MYO18B: variants seen among roughly 807,000 people sequenced by gnomAD.
MYO18B encodes the protein unconventional myosin-XVIIIb.
In MYO18B, 204 loss-of-function variants were observed where a neutral mutation model predicts 273.0. The ratio of observed to expected loss-of-function variants is 0.75; its 90% CI spans 0.67 to 0.84. The LOEUF (loss-of-function observed/expected upper bound fraction) is 0.84. MYO18B is among the 40% of genes least tolerant of loss of function. MYO18B has a pLI of 0.00. For synonymous variants in MYO18B, 1,330 were observed against 1,305.7 expected (o/e 1.02, Z -0.40); for missense variants, 3,212 against 3,287.6 (o/e 0.98, Z 0.56).
At chr22:26,017,044 C>A (rs1449615242) in intron 42 of MYO18B, among the ~76,000 whole-genome samples, 1 of 146,158 alleles carries the variant, frequency 6.8e-6, no homozygotes, top group South Asian at 2.3e-4. Context: ...TTCCTTCCTT[C>A]CTTCCTTCCT....
chr22:25,948,551 T>TTCCTTCCTTCCTTCCTTC (rs1569225860), intron 36 of MYO18B, among the ~76,000 whole-genome samples: 1 of 18,220 alleles, frequency 5.5e-5, no homozygotes, highest in African/African-American at 1.6e-4. Flanking sequence ...TTCCTTCCTT[T>TTCCTTCCTTCCTTCCTTC]CTCTTTCTCT....
intron 34 of MYO18B, among the ~76,000 whole-genome samples, chr22:25,939,885 C>A (rs1018647699): frequency 1.3e-5 from 2 of 152,178 alleles, no homozygotes; most frequent in East Asian, 3.9e-4. Flanking sequence ...CCTCTCTATT[C>A]CTCAGTTTCC....
rs543810708 is a variant in MYO18B, at chr22:25,933,451, C to T, written c.5517+12042C>T. On this transcript the variant is annotated intron_variant, in intron 34 of 43. Transcript: ENST00000335473. ...TGCCAGTGTGAGAACCTGTCCCCTT[C>T]CACACAGGCCTTTTGTCTTCTGTCT... Among the ~76,000 whole-genome samples, 17 of 151,888 alleles carry T rather than the reference C, an allele frequency of 1.1e-4. No homozygotes were observed. The East Asian group carries it at 3.3e-3, about 29-fold the overall frequency.
intron 33 of MYO18B, among the ~76,000 whole-genome samples, chr22:25,916,030 A>G (rs2092256024): frequency 6.6e-6 from 1 of 152,178 alleles, no homozygotes; most frequent in African/African-American, 2.4e-5. Context: ...ATAATTGAAC[A>G]CAAATTCAGG....
chr22:25,763,997 C>T (rs1051610681), intron 3 of MYO18B, among the ~76,000 whole-genome samples: 5 of 152,078 alleles, frequency 3.3e-5, no homozygotes, highest in African/African-American at 1.2e-4. Context: ...TGGTTGTAAC[C>T]CTTGGCCCCC....
At chr22:25,750,355 G>A (rs1013074123) in intron 1 of MYO18B, among the ~76,000 whole-genome samples, 2 of 152,246 alleles carry the variant, frequency 1.3e-5, no homozygotes, top group Non-Finnish European at 2.9e-5. Context: ...TGGAAAGTGA[G>A]GGAGTCCATT....
chr22:25,893,804 CACCCATCCATCCATTT>C (rs1011158102), intron 27 of MYO18B, among the ~76,000 whole-genome samples: 10 of 151,794 alleles, frequency 6.6e-5, no homozygotes, highest in Non-Finnish European at 1.2e-4. Flanking sequence ...TCCACCCATC[CACCCATCCATCCATTT>C]ATCCATCTGC....
At chr22:25,808,021 A>G (rs927531453) in intron 12 of MYO18B, among the ~76,000 whole-genome samples, 33 of 152,214 alleles carry the variant, frequency 2.2e-4, no homozygotes, top group Middle Eastern at 3.4e-3. Flanking sequence ...TCCATAGCCA[A>G]TGCATCCCGG....
intron 36 of MYO18B, among the ~76,000 whole-genome samples, chr22:25,948,050 G>A (rs1230916635): frequency 2.0e-5 from 3 of 152,132 alleles, no homozygotes; most frequent in Non-Finnish European, 2.9e-5. Flanking sequence ...CACCATGAAA[G>A]ATTTGGACTT....
chr22:25,987,418 G>A (rs2093213850), intron 39 of MYO18B, among the ~76,000 whole-genome samples: 1 of 152,010 alleles, frequency 6.6e-6, no homozygotes, highest in African/African-American at 2.4e-5. Context: ...CGGCAAGTAT[G>A]CATATTATCT....
intron 39 of MYO18B, among the ~76,000 whole-genome samples, chr22:25,961,957 C>T (rs2092922598): frequency 6.6e-6 from 1 of 152,240 alleles, no homozygotes; most frequent in African/African-American, 2.4e-5. Flanking sequence ...CGTATGATCT[C>T]TGCACATATC....
intron 11 of MYO18B, among the ~76,000 whole-genome samples, chr22:25,793,573 C>G (rs2087772344): frequency 6.6e-6 from 1 of 151,952 alleles, no homozygotes; most frequent in Non-Finnish European, 1.5e-5. Flanking sequence ...AACTGAGCCT[C>G]CATGCACGGG....
intron 42 of MYO18B, among the ~76,000 whole-genome samples, chr22:26,018,033 G>A (rs1175928336): frequency 2.8e-5 from 4 of 142,444 alleles, no homozygotes; most frequent in South Asian, 2.2e-4. Flanking sequence ...ACTTGAATGG[G>A]CAACTCTATG....
chr22:25,783,060 A>G (rs2087229051), intron 10 of MYO18B, among the ~76,000 whole-genome samples: 1 of 152,218 alleles, frequency 6.6e-6, no homozygotes, highest in African/African-American at 2.4e-5. Context: ...TGTTGTGGTG[A>G]GGATTAAAAT....
At chr22:26,061,315 T>C in the MYO18B span, among the ~76,000 whole-genome samples, 1 of 152,214 alleles carries the variant, frequency 6.6e-6, no homozygotes, top group African/African-American at 2.4e-5. Context: ...GTTTTGTTGG[T>C]TGGATCCTGA....
chr22:25,827,477 T>G (rs117795253), intron 14 of MYO18B, among the ~76,000 whole-genome samples: 100 of 152,304 alleles, frequency 6.6e-4, no homozygotes, highest in Non-Finnish European at 1.2e-3. Context: ...GAGCCCATGC[T>G]TGGAAACCCT....
chr22:26,022,246 G>A (rs1315628638), intron 42 of MYO18B, among the ~76,000 whole-genome samples: 2 of 147,702 alleles, frequency 1.4e-5, no homozygotes, highest in African/African-American at 5.0e-5. Flanking sequence ...GAGCCACACC[G>A]ACCTGGTCCT....
chr22:25,908,492 C>T lies in MYO18B; in HGVS notation c.5259+60C>T. 2.1e-6 allele frequency: 3 copies of T among 1,414,390 alleles called. 1 individual carries two copies. The highest frequency in any genetic ancestry group is 2.5e-5 in the South Asian group (2 of 81,020). 87.6% of individuals were successfully genotyped at this position (1,414,390 alleles called of 1,614,324 possible). On this transcript the variant is annotated intron_variant, in intron 32 of 43. Transcript: ENST00000335473. ...TCCTGGCAGGTCTGGCATGGATTCC[C>T]TCTTCCTTAGAGCGAGGAGTAGGAC...
chr22:26,001,298 A>G (rs1215698811), intron 40 of MYO18B, among the ~76,000 whole-genome samples: 1 of 152,256 alleles, frequency 6.6e-6, no homozygotes, highest in African/African-American at 2.4e-5. Context: ...AGAGCTTAAC[A>G]AAAGGACTAT....
Sources: allele counts gnomAD v4.1 joint callset (sites outside exome capture counted in the v4.1 genomes callset), GRCh38; gene constraint gnomAD v4.1.1; transcripts MANE v1.5; gene names NCBI Gene and HGNC (gene_info 2026-07-23, HGNC 2026-07-21).